The following CNGA2 variants were observed in gnomAD, a reference collection of about 807,000 sequenced individuals.
CNGA2 encodes the protein cyclic nucleotide gated channel subunit alpha 2, also known as cyclic nucleotide-gated channel alpha-2.
In CNGA2, 22 loss-of-function variants were observed where a neutral mutation model predicts 35.9. That is an observed-to-expected ratio of 0.61 (90% CI 0.44 to 0.88). The LOEUF (loss-of-function observed/expected upper bound fraction) is 0.88. Among genes scored for constraint, CNGA2 ranks in the 40% least tolerant of loss-of-function variants. The probability of loss-of-function intolerance (pLI) is 0.00; values close to 1 mark genes in which losing one functional copy is unlikely to be tolerated. For synonymous variants in CNGA2, 217 were observed against 209.2 expected (o/e 1.04, Z -0.32); for missense variants, 555 against 530.8 (o/e 1.05, Z -0.45).
intron 1 of CNGA2, among the ~76,000 whole-genome samples, chrX:151,737,664 A>G (rs761351680): frequency 1.8e-5 from 2 of 112,148 alleles, no homozygotes; most frequent in Admixed American, 1.9e-4. Flanking sequence ...TTTCTGGCAC[A>G]GAACACTGAC....
chrX:151,740,953 C>A, intron 5 of CNGA2, 52 bp downstream of exon 5: 1 of 966,135 alleles, frequency 1.0e-6, no homozygotes, highest in Non-Finnish European at 1.5e-6. Context: ...AGTCTTCAGA[C>A]CCCGGGATTG....
In CNGA2 at chrX:151,743,245, A is replaced by T; in HGVS notation, c.742A>T (p.Asn248Tyr). 1 of 1,207,653 alleles carries T rather than the reference A, an allele frequency of 8.3e-7. No homozygotes were observed. The highest frequency in any genetic ancestry group is 1.1e-6 in the Non-Finnish European group (1 of 894,676). The change falls in exon 7 of 7, where the codon AAC becomes TAC. Residue 248 changes from asparagine (N) to tyrosine (Y), a missense_variant. Coordinates refer to ENST00000329903, the MANE Select transcript of CNGA2 (RefSeq NM_005140.3). ...CATCCACAGCCCTGAGGTGCGCTTC[A>T]ACCGCCTGCTGCACTTTGCCCGCAT... ...VDIHSPEVRFNRLLHFARMFE... is the reference protein window; with the variant it reads ...VDIHSPEVRFYRLLHFARMFE...
Position 151,744,308 on chromosome X carries a change from G to A in CNGA2, c.1805G>A (p.Gly602Glu). The A allele has an allele frequency of 8.3e-7, 1 of 1,211,104 alleles. No homozygotes were observed. The highest frequency in any genetic ancestry group is 1.1e-6 in the Non-Finnish European group (1 of 895,413). Residue 602 changes from glycine to glutamate, a missense_variant, in exon 7 of 7, where the codon GGG (glycine) becomes GAG (glutamate). By Grantham distance (98) the Gly-to-Glu change is moderately conservative (BLOSUM62 -2). Coordinates refer to ENST00000329903, the MANE Select transcript of CNGA2 (RefSeq NM_005140.3). ...SMEVDVQEKL[G>E]QLETNMETLY... ...GAGGTCGACGTGCAGGAGAAGCTAG[G>A]GCAGCTGGAGACCAACATGGAAACC...
chrX:151,737,703 G>A (rs765820315), intron 1 of CNGA2, among the ~76,000 whole-genome samples: 15 of 111,671 alleles, frequency 1.3e-4, no homozygotes, highest in Admixed American at 3.7e-4. Flanking sequence ...GCGCAGAGGA[G>A]AGGGCCCTCA....
Position 151,739,582 on chromosome X carries a change from T to A in CNGA2, c.224T>A (p.Ile75Asn). The change falls in exon 4 of 7, where the codon ATC becomes AAC. Residue 75 changes from isoleucine to asparagine, a missense_variant. Ile to Asn is a moderately radical substitution (Grantham distance 149, BLOSUM62 -3). Coordinates refer to ENST00000329903, the MANE Select transcript of CNGA2 (RefSeq NM_005140.3). ...TCTAGGATAGTTCGCCTGGTGGGGA[T>A]CATCAGAGAATGGGCCAACAAGAAT... ...GFRRIVRLVG[I>N]IREWANKNFR... 1 of 1,211,349 alleles carries A rather than the reference T, an allele frequency of 8.3e-7. No homozygotes were observed. The highest frequency in any genetic ancestry group is 3.0e-5 in the East Asian group (1 of 33,825).
At chrX:151,741,419 G>A (rs1190178131) in intron 5 of CNGA2, among the ~76,000 whole-genome samples, 4 of 111,758 alleles carry the variant, frequency 3.6e-5, no homozygotes, top group African/African-American at 1.3e-4. Context: ...TCTACATGTA[G>A]CTTTCCTTGG....
chrX:151,735,295 T>C (rs2015235730), intron 1 of CNGA2, among the ~76,000 whole-genome samples: 1 of 112,170 alleles, frequency 8.9e-6, no homozygotes, highest in Non-Finnish European at 1.9e-5. Flanking sequence ...CTGTTCTCTT[T>C]GGTAGGTACA....
At chrX:151,738,977 T>C (rs777460446) in intron 3 of CNGA2, 98 bp downstream of exon 3, 3 of 663,950 alleles carry the variant, frequency 4.5e-6, no homozygotes, top group East Asian at 7.3e-5. Flanking sequence ...ACCAGTCCTG[T>C]CCACCAAGAC....
intron 6 of CNGA2, 82 bp downstream of exon 6, chrX:151,742,724 T>G: frequency 5.6e-6 from 4 of 720,478 alleles, no homozygotes; most frequent in Non-Finnish European, 8.5e-6. Context: ...GGTGTTGGAC[T>G]AAATTGCTTG....
rs769231187 is a variant in CNGA2 at position 151,738,490 on chromosome X, G to A, written c.7G>A (p.Glu3Lys). 43 of 1,207,748 alleles carry A rather than the reference G, an allele frequency of 3.6e-5. No homozygotes were observed. The highest frequency in any genetic ancestry group is 2.3e-4 in the Middle Eastern group (1 of 4,363). The change falls in exon 2 of 7, where the codon GAA becomes AAA. Residue 3 changes from glutamate (E) to lysine (K), a missense_variant. Physicochemically the swap from Glu to Lys is moderately conservative, Grantham distance 56. Transcript: ENST00000329903. ...CTCTGGTTGTACATGGAGGATGACC[G>A]AAAAAACCAATGGTGTGAAGAGCTC... MT[E>K]KTNGVKSSPA...
chrX:151,742,975 TATATATAC>T (rs2015325684), intron 6 of CNGA2, 110 bp from the exon 7 acceptor site: 5 of 70,280 alleles, frequency 7.1e-5, no homozygotes, highest in African/African-American at 2.0e-4. Flanking sequence ...TATATATGTA[TATATATAC>T]ATATATATGT....
chrX:151,742,776 G>A (rs2015318971), intron 6 of CNGA2, 134 bp downstream of exon 6: 1 of 439,730 alleles, frequency 2.3e-6, no homozygotes, highest in African/African-American at 2.6e-5. Context: ...TGAACCTCAT[G>A]GTCCCACATG....
chrX:151,736,206 T>A (rs1244884696), intron 1 of CNGA2, among the ~76,000 whole-genome samples: 1 of 111,636 alleles, frequency 9.0e-6, no homozygotes, highest in Non-Finnish European at 1.9e-5. Flanking sequence ...TCTCATGATA[T>A]GGGGATGGAC....
intron 4 of CNGA2, among the ~76,000 whole-genome samples, 154 bp from the exon 5 acceptor site, chrX:151,740,640 T>A (rs1033382186): frequency 8.9e-6 from 1 of 112,351 alleles, no homozygotes; most frequent in Non-Finnish European, 1.9e-5. Flanking sequence ...TGTAGTTCCC[T>A]GAAAAATGTG....
intron 1 of CNGA2, among the ~76,000 whole-genome samples, 132 bp downstream of exon 1, chrX:151,735,075 C>T (rs1239276547): frequency 8.9e-5 from 10 of 111,747 alleles, no homozygotes; most frequent in Non-Finnish European, 1.5e-4. Context: ...AGGAATTTTC[C>T]TCAAAATTCT....
chrX:151,737,743 A>T (rs1027346273), intron 1 of CNGA2, among the ~76,000 whole-genome samples: 1 of 110,729 alleles, frequency 9.0e-6, no homozygotes, highest in Non-Finnish European at 1.9e-5. Context: ...GAAACAAAAC[A>T]AAACAAACAA....
At position 151,743,016 on chromosome X, in the gene CNGA2, A is replaced by ATGTATATATGTGTGTGTG. The variant is rs2015328810; in HGVS notation, c.590-68_590-67insGTGTGTGTGTGTATATAT. 2.0e-5 allele frequency: 3 copies of ATGTATATATGTGTGTGTG among 149,769 alleles called. 1 individual carries two copies. Among genetic ancestry groups the ATGTATATATGTGTGTGTG allele is most frequent in the African/African-American group, 1.1e-4 (1 of 9,140 alleles). 12.3% of individuals were successfully genotyped at this position (149,769 alleles called of 1,213,427 possible). ...TGTGTATATATATATACACATATATATGTATATATATGCACATATATATGT... is the reference window on the plus strand; with the variant it reads ...TGTGTATATATATATACACATATATATGTATATATGTGTGTGTGTGTATATATATGCACATATATATGT... On this transcript the variant is annotated intron_variant, in intron 6 of 6. Coordinates refer to ENST00000329903, the MANE Select transcript of CNGA2 (RefSeq NM_005140.3).
At position 151,739,714 on chromosome X, in the gene CNGA2, G is replaced by A; in HGVS notation, c.356G>A (p.Gly119Asp). The change falls in exon 4 of 7, where the codon GGC (glycine) becomes GAC (aspartate). Residue 119 changes from glycine to aspartate, a missense_variant. Coordinates refer to ENST00000329903, the MANE Select transcript of CNGA2 (RefSeq NM_005140.3). ...QEGDGKGDKDGEDKGTKKKFE... is the reference protein window; with the variant it reads ...QEGDGKGDKDDEDKGTKKKFE... ...GGGGATGGCAAAGGCGACAAGGATG[G>A]CGAGGACAAAGGCACCAAGTACAGC... 8.3e-7 allele frequency: 1 copy of A among 1,211,425 alleles called. No individual in the cohort carries two copies. The highest frequency in any genetic ancestry group is 1.1e-6 in the Non-Finnish European group (1 of 895,374).
intron 1 of CNGA2, among the ~76,000 whole-genome samples, chrX:151,737,449 C>T (rs1384917118): frequency 1.8e-5 from 2 of 111,938 alleles, no homozygotes; most frequent in Non-Finnish European, 3.8e-5. Context: ...CACTCTGTCT[C>T]CTCTTTCTTT....
Sources: gnomAD v4.1 joint callset for allele counts (sites outside exome capture counted in the v4.1 genomes callset) on GRCh38, gnomAD v4.1.1 for gene constraint, MANE v1.5 for transcripts, NCBI Gene and HGNC (gene_info 2026-07-23, HGNC 2026-07-21) for gene names.